The following CADPS2 variants were observed in gnomAD, a reference collection of about 807,000 sequenced individuals.
CADPS2 encodes the protein calcium dependent secretion activator 2.
A neutral mutation model predicts 172.5 loss-of-function variants in CADPS2; 93 were observed. The ratio of observed to expected loss-of-function variants is 0.54; its 90% CI spans 0.46 to 0.64. CADPS2 has a LOEUF of 0.64. Among genes scored for constraint, CADPS2 ranks in the 30% least tolerant of loss-of-function variants. CADPS2 has a pLI of 0.00. For missense variants in CADPS2, 1,420 were observed against 1,565.9 expected (o/e 0.91, Z 1.57); for synonymous variants, 546 against 555.2 (o/e 0.98, Z 0.23).
intron 8 of CADPS2, among the ~76,000 whole-genome samples, chr7:122,515,175 T>C (rs1189914389): frequency 6.6e-6 from 1 of 152,196 alleles, no homozygotes; most frequent in Non-Finnish European, 1.5e-5. Flanking sequence ...TGAACTTCTA[T>C]TCAGCATTTA....
chr7:122,480,670 TC>T (rs2057181363), intron 12 of CADPS2, among the ~76,000 whole-genome samples, 181 bp downstream of exon 12: 1 of 152,186 alleles, frequency 6.6e-6, no homozygotes, highest in South Asian at 2.1e-4. Context: ...TTAGGTTGTT[TC>T]TACTTTTTTT....
At chr7:122,564,340 T>A (rs1329421057) in intron 7 of CADPS2, among the ~76,000 whole-genome samples, 3 of 152,176 alleles carry the variant, frequency 2.0e-5, no homozygotes, top group East Asian at 3.9e-4. Flanking sequence ...AGTCTCACTC[T>A]GTTGCCCAGG....
chr7:122,734,990 G>A (rs1460428936), intron 2 of CADPS2, among the ~76,000 whole-genome samples: 1 of 152,136 alleles, frequency 6.6e-6, no homozygotes, highest in Non-Finnish European at 1.5e-5. Flanking sequence ...ATCCTAGCAG[G>A]TAGTCATTTA....
chr7:122,738,068 T>A (rs1460516487), intron 1 of CADPS2, among the ~76,000 whole-genome samples: 1 of 152,100 alleles, frequency 6.6e-6, no homozygotes, highest in Non-Finnish European at 1.5e-5. Context: ...GAGAAAATGC[T>A]CTGAACTGGG....
chr7:122,584,781 T>A (rs2069391619), intron 6 of CADPS2, among the ~76,000 whole-genome samples: 1 of 152,038 alleles, frequency 6.6e-6, no homozygotes, highest in Non-Finnish European at 1.5e-5. Flanking sequence ...AGGTGTGATT[T>A]AGAATTTCTC....
chr7:122,664,802 T>C (rs1011081043), intron 2 of CADPS2, among the ~76,000 whole-genome samples: 2 of 152,104 alleles, frequency 1.3e-5, no homozygotes, highest in African/African-American at 4.8e-5. Flanking sequence ...TTCTTTTTTT[T>C]GAAACAGGGT....
At chr7:122,739,765 A>T (rs2137919995) in intron 1 of CADPS2, among the ~76,000 whole-genome samples, 1 of 152,336 alleles carries the variant, frequency 6.6e-6, no homozygotes, top group African/African-American at 2.4e-5. Context: ...AACTAAACTT[A>T]AAATCTAGCA....
intron 1 of CADPS2, among the ~76,000 whole-genome samples, chr7:122,808,734 G>T (rs949408511): frequency 1.3e-5 from 2 of 152,128 alleles, no homozygotes; most frequent in African/African-American, 4.8e-5. Flanking sequence ...ATACAACCAA[G>T]ATATTGAATG....
rs551650653 is a variant in CADPS2, at chr7:122,497,636, T to C, written c.1543-6216A>G. 1.1e-3 allele frequency among the ~76,000 whole-genome samples: 164 copies of C among 152,294 alleles called. 6 individuals are homozygous for C. The South Asian group carries it at 0.033, about 30-fold the overall frequency. ...TAGTAATAGAAATTCATTATTAAAG[T>C]ATATGATCTTAACAAGTCAATATTT... On this transcript the variant is annotated intron_variant, in intron 9 of 29. Transcript: ENST00000449022.
chr7:122,834,607 G>T (rs1371728193), intron 1 of CADPS2, among the ~76,000 whole-genome samples: 1 of 152,206 alleles, frequency 6.6e-6, no homozygotes, highest in Non-Finnish European at 1.5e-5. Context: ...CTTTTCCAAG[G>T]GTCTTAGCAA....
In CADPS2 at chr7:122,610,432, C is replaced by CA. The variant is rs11362338; in HGVS notation, c.1223+4748dup. Among the ~76,000 whole-genome samples, 753 of 147,230 alleles carry CA rather than the reference C, an allele frequency of 5.1e-3. 8 individuals are homozygous for CA. Among genetic ancestry groups the CA allele is most frequent in the African/African-American group, 0.017 (667 of 40,070 alleles). ...AAGATTCTGTAGAAACTACGATAAG[C>CA]AAAAAAAAAAATCCAGATACAAAGA... is the stretch of plus-strand genomic sequence containing the variant. On this transcript the variant is annotated intron_variant, in intron 6 of 29. Coordinates refer to ENST00000449022, the MANE Select transcript of CADPS2 (RefSeq NM_017954.11).
At chr7:122,719,937 T>A (rs2090162902) in intron 2 of CADPS2, among the ~76,000 whole-genome samples, 1 of 152,108 alleles carries the variant, frequency 6.6e-6, no homozygotes. Context: ...CAAGCTCATA[T>A]AAACCATCTC....
At chr7:122,725,785 C>T (rs1199416030) in intron 2 of CADPS2, among the ~76,000 whole-genome samples, 1 of 151,732 alleles carries the variant, frequency 6.6e-6, no homozygotes, top group Non-Finnish European at 1.5e-5. Flanking sequence ...CAGAGAGACA[C>T]CATGGTCTTG....
chr7:122,657,584 G>A (rs879537394), intron 3 of CADPS2, among the ~76,000 whole-genome samples: 57 of 152,124 alleles, frequency 3.7e-4, no homozygotes, highest in Admixed American at 1.4e-3. Context: ...GTGAATAGGA[G>A]TTCATTTGTG....
At chr7:122,510,053 G>A (rs2059905449) in intron 9 of CADPS2, among the ~76,000 whole-genome samples, 1 of 151,934 alleles carries the variant, frequency 6.6e-6, no homozygotes, top group Non-Finnish European at 1.5e-5. Context: ...AGTGTTAAAG[G>A]TAACAGATTA....
intron 3 of CADPS2, among the ~76,000 whole-genome samples, chr7:122,645,586 T>C (rs2078423596): frequency 8.6e-6 from 1 of 116,318 alleles, no homozygotes; most frequent in Non-Finnish European, 1.9e-5. Context: ...CTCTAGGCTA[T>C]AGAGATTATA....
At chr7:122,568,545 T>C (rs988633256) in intron 7 of CADPS2, among the ~76,000 whole-genome samples, 2 of 152,126 alleles carry the variant, frequency 1.3e-5, no homozygotes, top group South Asian at 4.1e-4. Context: ...AGTCCAGGAA[T>C]AGGCTTACAG....
At chr7:122,400,024 G>A (rs189657906) in intron 20 of CADPS2, among the ~76,000 whole-genome samples, 7 of 151,878 alleles carry the variant, frequency 4.6e-5, no homozygotes, top group Non-Finnish European at 7.4e-5. Context: ...AGGTGTTCCT[G>A]TGATCTGTTA....
Position 122,826,727 on chromosome 7 carries a change from T to C in CADPS2, c.339+59272A>G, listed in dbSNP as rs189410298. 5.3e-5 allele frequency among the ~76,000 whole-genome samples: 8 copies of C among 152,016 alleles called. No homozygotes were observed. In the East Asian group the frequency reaches 1.5e-3, roughly 29 times the overall value. ...AGAATAGATGGGACAGGGGAAAAGA[T>C]CACTGAAATGGAAAACAGGACAGAA... On this transcript the variant is annotated intron_variant, in intron 1 of 29. Transcript: ENST00000449022.
Sources: allele counts gnomAD v4.1 joint callset (sites outside exome capture counted in the v4.1 genomes callset), GRCh38; gene constraint gnomAD v4.1.1; transcripts MANE v1.5; gene names NCBI Gene and HGNC (gene_info 2026-07-23, HGNC 2026-07-21).